Variants in GAP43 observed in about 807,000 individuals in gnomAD.
GAP43 encodes the protein neuromodulin.
GAP43 carries 6 observed loss-of-function variants against 18.6 expected under a neutral mutation model. The ratio of observed to expected loss-of-function variants is 0.32; its 90% CI spans 0.18 to 0.64. GAP43 has a LOEUF of 0.64. Among genes scored for constraint, GAP43 ranks in the 30% least tolerant of loss-of-function variants. The probability of loss-of-function intolerance (pLI) is 0.78; values close to 1 mark genes in which losing one functional copy is unlikely to be tolerated. For synonymous variants in GAP43, 115 were observed against 111.4 expected (o/e 1.03, Z -0.20); for missense variants, 292 against 295.5 (o/e 0.99, Z 0.09).
intron 1 of GAP43, among the ~76,000 whole-genome samples, chr3:115,638,413 T>C (rs1708356247): frequency 6.6e-6 from 1 of 152,064 alleles, no homozygotes; most frequent in Non-Finnish European, 1.5e-5. Flanking sequence ...GGCCTTTGCA[T>C]GTGTTGCTCC....
chr3:115,668,146 T>C (rs1262473527), intron 1 of GAP43, among the ~76,000 whole-genome samples: 4 of 152,188 alleles, frequency 2.6e-5, no homozygotes, highest in African/African-American at 9.7e-5. Context: ...AGGTAACTTA[T>C]ACCTATGTCT....
At chr3:115,717,182 G>T (rs1038804712) in intron 2 of GAP43, among the ~76,000 whole-genome samples, 1 of 152,146 alleles carries the variant, frequency 6.6e-6, no homozygotes, top group Non-Finnish European at 1.5e-5. Context: ...ATGAGGTTAT[G>T]TGCTGGACAT....
At position 115,663,867 on chromosome 3, in the gene GAP43, T is replaced by A. The variant is rs1708697562; in HGVS notation, c.31-12146T>A. The A allele has an allele frequency of 3.2e-6, 5 of 1,552,026 alleles. No individual in the cohort carries two copies. The highest frequency in any genetic ancestry group is 2.0e-5 in the Admixed American group (1 of 50,998). ...TTGAGGAAAAATCTTCAGAGAGCAG[T>A]TCGACCTAGTCCTTATTCACTTGGC... On this transcript the variant is annotated intron_variant, in intron 1 of 2. Transcript: ENST00000305124.
chr3:115,706,892 C>A (rs866611430), intron 2 of GAP43, among the ~76,000 whole-genome samples: 6 of 152,132 alleles, frequency 3.9e-5, no homozygotes, highest in South Asian at 2.1e-4. Context: ...ATTTATTAGG[C>A]ATTCATGTGA....
chr3:115,666,934 T>C (rs1708741055), intron 1 of GAP43, among the ~76,000 whole-genome samples: 1 of 152,036 alleles, frequency 6.6e-6, no homozygotes, highest in South Asian at 2.1e-4. Flanking sequence ...ACTAAATATA[T>C]ATACTGTGCA....
intron 2 of GAP43, among the ~76,000 whole-genome samples, chr3:115,688,895 C>G (rs1460426451): frequency 6.6e-6 from 1 of 152,218 alleles, no homozygotes; most frequent in Non-Finnish European, 1.5e-5. Flanking sequence ...TGAATACAAT[C>G]TAACTTACTT....
intron 1 of GAP43, among the ~76,000 whole-genome samples, chr3:115,638,645 T>G (rs1256310524): frequency 6.6e-6 from 1 of 151,934 alleles, no homozygotes; most frequent in Non-Finnish European, 1.5e-5. Flanking sequence ...CAGACTCTAT[T>G]GCAATTGTGT....
intron 1 of GAP43, among the ~76,000 whole-genome samples, chr3:115,662,001 C>CG (rs1708667374): frequency 1.4e-5 from 2 of 142,240 alleles, no homozygotes; most frequent in South Asian, 2.3e-4. Flanking sequence ...TGGTGGGGGT[C>CG]GGGGGGAAGG....
chr3:115,712,094 G>C (rs1029117985), intron 2 of GAP43, among the ~76,000 whole-genome samples: 3 of 152,022 alleles, frequency 2.0e-5, no homozygotes, highest in African/African-American at 4.8e-5. Context: ...AGTTTTCAAG[G>C]CTAGTCAACT....
Position 115,693,413 on chromosome 3 carries a change from G to A in GAP43, c.628+16803G>A, listed in dbSNP as rs1023596509. Reference sequence around the variant, plus strand: ...GGCTAGTCATCTTGGGTGGTGGCTTGGCCGTCTTGCTAGAGAACAATACAT... The same window carrying A: ...GGCTAGTCATCTTGGGTGGTGGCTTAGCCGTCTTGCTAGAGAACAATACAT... On this transcript the variant is annotated intron_variant, in intron 2 of 2. Transcript: ENST00000305124. Among the ~76,000 whole-genome samples, 11 of 152,082 alleles carry A rather than the reference G, an allele frequency of 7.2e-5. No individual in the cohort carries two copies. The South Asian group carries it at 2.1e-3, about 29-fold the overall frequency.
chr3:115,692,866 T>G (rs1709131409), intron 2 of GAP43, among the ~76,000 whole-genome samples: 1 of 152,226 alleles, frequency 6.6e-6, no homozygotes, highest in African/African-American at 2.4e-5. Flanking sequence ...CCTGTTAAAG[T>G]GACTTAACAA....
intron 1 of GAP43, among the ~76,000 whole-genome samples, chr3:115,646,010 A>G (rs1432189825): frequency 1.3e-5 from 2 of 152,156 alleles, no homozygotes; most frequent in African/African-American, 2.4e-5. Context: ...ATTTTAAAAA[A>G]TTAAGTGTTG....
intron 1 of GAP43, among the ~76,000 whole-genome samples, chr3:115,661,845 T>TTTTTTTTTTTTTA (rs1553721649): frequency 1.3e-5 from 2 of 150,008 alleles, no homozygotes; most frequent in South Asian, 2.1e-4. Context: ...TTTTTTTTTT[T>TTTTTTTTTTTTTA]ACCTGGGAGC....
intron 1 of GAP43, among the ~76,000 whole-genome samples, chr3:115,645,388 C>T (rs1166408118): frequency 6.6e-6 from 1 of 151,998 alleles, no homozygotes; most frequent in African/African-American, 2.4e-5. Flanking sequence ...GCCCAACCAA[C>T]TCTTCTTTAC....
At chr3:115,707,917 G>A (rs1310527220) in intron 2 of GAP43, among the ~76,000 whole-genome samples, 3 of 151,824 alleles carry the variant, frequency 2.0e-5, no homozygotes, top group Non-Finnish European at 2.9e-5. Context: ...TTCTTCCCGA[G>A]GTAATTGAGG....
At chr3:115,700,513 C>A (rs1709283849) in intron 2 of GAP43, among the ~76,000 whole-genome samples, 1 of 152,146 alleles carries the variant, frequency 6.6e-6, no homozygotes, top group Admixed American at 6.6e-5. Context: ...AGCATAGAGT[C>A]TTCCTAGCTG....
rs745746040 is a variant in GAP43, at chr3:115,676,487, G to T, written c.505G>T (p.Asp169Tyr). 5.0e-6 allele frequency: 8 copies of T among 1,614,062 alleles called. No individual in the cohort carries two copies. Among genetic ancestry groups the T allele is most frequent in the African/African-American group, 1.3e-5 (1 of 75,034 alleles). The change falls in exon 2 of 3, where the codon GAT (aspartate) becomes TAT (tyrosine). Residue 169 changes from aspartate (D) to tyrosine (Y), a missense_variant. Physicochemically the swap from Asp to Tyr is radical, Grantham distance 160 (BLOSUM62 -3). Transcript: ENST00000305124. ...AGCCAAGGAGGAGCCTAAACAAGCC[G>T]ATGTGCCTGCTGCTGTCACTGCTGC... ...APAKEEPKQADVPAAVTAAAA... is the reference protein window; with the variant it reads ...APAKEEPKQAYVPAAVTAAAA...
intron 1 of GAP43, among the ~76,000 whole-genome samples, chr3:115,669,974 T>A (rs1381572222): frequency 9.9e-5 from 14 of 141,830 alleles, no homozygotes; most frequent in East Asian, 6.3e-4. Context: ...TATTTTTATT[T>A]TTTTTTTTTA....
chr3:115,708,200 T>C (rs911330753), intron 2 of GAP43, among the ~76,000 whole-genome samples: 5 of 152,216 alleles, frequency 3.3e-5, no homozygotes, highest in African/African-American at 1.2e-4. Flanking sequence ...TGAAGAAGAC[T>C]AAAAAGATAC....
Sources: allele counts gnomAD v4.1 joint callset (sites outside exome capture counted in the v4.1 genomes callset), GRCh38; gene constraint gnomAD v4.1.1; transcripts MANE v1.5; gene names NCBI Gene and HGNC (gene_info 2026-07-23, HGNC 2026-07-21).